The following EXTL3 variants were observed in gnomAD, a reference collection of about 807,000 sequenced individuals.
EXTL3 encodes exostosin like glycosyltransferase 3, also known as exostosin-like 3.
A neutral mutation model predicts 69.3 loss-of-function variants in EXTL3; 27 were observed. The ratio of observed to expected loss-of-function variants is 0.39; its 90% CI spans 0.29 to 0.54. The LOEUF (loss-of-function observed/expected upper bound fraction) is 0.54. Among genes scored for constraint, EXTL3 ranks in the 20% least tolerant of loss-of-function variants. The probability of loss-of-function intolerance (pLI) is 0.69; values close to 1 mark genes in which losing one functional copy is unlikely to be tolerated. For missense variants in EXTL3, 1,003 were observed against 1,231.8 expected (o/e 0.81, Z 2.78); for synonymous variants, 511 against 499.4 (o/e 1.02, Z -0.31).
intron 1 of EXTL3, among the ~76,000 whole-genome samples, chr8:28,634,743 C>A (rs1278254617): frequency 6.6e-6 from 1 of 151,988 alleles, no homozygotes; most frequent in Non-Finnish European, 1.5e-5. Flanking sequence ...TACAGGCGTG[C>A]ACCACCACAC....
At chr8:28,630,589 C>G in intron 1 of EXTL3, among the ~76,000 whole-genome samples, 1 of 152,344 alleles carries the variant, frequency 6.6e-6, no homozygotes, top group Admixed American at 6.5e-5. Context: ...CAGAATGTTA[C>G]GTTTCCTCAT....
At chr8:28,684,619 G>C (rs1370448408) in intron 1 of EXTL3, among the ~76,000 whole-genome samples, 1 of 152,078 alleles carries the variant, frequency 6.6e-6, no homozygotes, top group Admixed American at 6.6e-5. Context: ...GTACATGGCT[G>C]TAGTCCCAGC....
At chr8:28,709,155 A>T (rs1181977731) in intron 1 of EXTL3, among the ~76,000 whole-genome samples, 1 of 152,192 alleles carries the variant, frequency 6.6e-6, no homozygotes, top group Non-Finnish European at 1.5e-5. Context: ...GTTTTACCAC[A>T]TAACATGGGT....
At chr8:28,648,511 C>A (rs1354555005) in intron 1 of EXTL3, among the ~76,000 whole-genome samples, 2 of 152,192 alleles carry the variant, frequency 1.3e-5, no homozygotes, top group South Asian at 4.1e-4. Flanking sequence ...GTAGTCACTA[C>A]TTATCTTTGA....
At chr8:28,706,986 T>TA (rs1395372859) in intron 1 of EXTL3, among the ~76,000 whole-genome samples, 1 of 152,212 alleles carries the variant, frequency 6.6e-6, no homozygotes, top group Non-Finnish European at 1.5e-5. Context: ...CTTTTCTTGT[T>TA]ACGGTTCATT....
intron 1 of EXTL3, among the ~76,000 whole-genome samples, chr8:28,624,781 G>T (rs185524484): frequency 4.5e-4 from 68 of 152,284 alleles, no homozygotes; most frequent in African/African-American, 1.5e-3. Flanking sequence ...TTAAAAACAT[G>T]TTAAATTCAG....
intron 1 of EXTL3, among the ~76,000 whole-genome samples, chr8:28,635,494 G>C (rs1008513989): frequency 4.7e-5 from 7 of 148,238 alleles, no homozygotes; most frequent in African/African-American, 1.8e-4. Context: ...GAGGTCAGGA[G>C]ATCAAGATCA....
intron 1 of EXTL3, among the ~76,000 whole-genome samples, chr8:28,703,141 C>T (rs1259234843): frequency 6.6e-6 from 1 of 152,188 alleles, no homozygotes; most frequent in African/African-American, 2.4e-5. Flanking sequence ...TAAGAACTCA[C>T]GAGCAAGAGA....
At chr8:28,744,868 C>A (rs1801857181) in intron 6 of EXTL3, among the ~76,000 whole-genome samples, 1 of 151,444 alleles carries the variant, frequency 6.6e-6, no homozygotes, top group African/African-American at 2.4e-5. Context: ...CAGGCTGAGG[C>A]AGGAGAATCG....
rs555336443 is a variant in EXTL3 at position 28,623,040 on chromosome 8, C to A, written c.-53+230C>A. The stretch of plus-strand genomic sequence containing the variant: ...GGCGTCTGGGGCGGGCGATTGCAAG[C>A]TCGCGGTCCATGTCCCCTGCCTCGG... On this transcript the variant is annotated intron_variant, in intron 1 of 6. Transcript: ENST00000523149. The surrounding 1 kb of genome is among the most constrained non-coding windows in gnomAD (Gnocchi z 4.2). Among the ~76,000 whole-genome samples the A allele has an allele frequency of 1.3e-5, 2 of 152,070 alleles. No homozygotes were observed. Among genetic ancestry groups the A allele is most frequent in the Admixed American group, 6.5e-5 (1 of 15,280 alleles).
At chr8:28,705,303 A>G (rs1208336173) in intron 1 of EXTL3, among the ~76,000 whole-genome samples, 2 of 152,230 alleles carry the variant, frequency 1.3e-5, no homozygotes, top group Admixed American at 6.5e-5. Flanking sequence ...TTATGAGTCA[A>G]GAACGAGGAA....
At chr8:28,749,900 C>G (rs1321875886) in intron 6 of EXTL3, among the ~76,000 whole-genome samples, 1 of 152,172 alleles carries the variant, frequency 6.6e-6, no homozygotes, top group Admixed American at 6.5e-5. Flanking sequence ...TGCTTTGTTG[C>G]CCAGGCTGGT....
chr8:28,735,204 G>A (rs1377308567), intron 4 of EXTL3, among the ~76,000 whole-genome samples: 1 of 152,142 alleles, frequency 6.6e-6, no homozygotes, highest in African/African-American at 2.4e-5. Flanking sequence ...GGTGGTAGTG[G>A]TGGGGGTGGG....
chr8:28,618,555 C>T (rs542900845), upstream of EXTL3, among the ~76,000 whole-genome samples: 4 of 152,210 alleles, frequency 2.6e-5, no homozygotes, highest in Admixed American at 6.5e-5. Context: ...GCCTCACGTC[C>T]GGCACGAAAG....
At chr8:28,672,227 C>T (rs1345876844) in intron 1 of EXTL3, among the ~76,000 whole-genome samples, 1 of 151,950 alleles carries the variant, frequency 6.6e-6, no homozygotes. Flanking sequence ...ACCATCCTGG[C>T]TAACATGGTG....
chr8:28,750,607 C>A lies in EXTL3; in HGVS notation c.2551-50C>A. 6.9e-7 allele frequency: 1 copy of A among 1,458,806 alleles called. No individual in the cohort carries two copies. The highest frequency in any genetic ancestry group is 9.6e-7 in the Non-Finnish European group (1 of 1,039,718). The allele number at this position is 1,458,806 out of a possible 1,614,324, so 90.4% of individuals were successfully genotyped here. ...TGGGATCGGCTCAGCTGCAAGGGTT[C>A]TGTCAGTATTAGCTGGGATTCCCAC... is the stretch of plus-strand genomic sequence containing the variant. On this transcript the variant is annotated intron_variant, in intron 6 of 6. Coordinates refer to ENST00000220562, the MANE Select transcript of EXTL3 (RefSeq NM_001440.4). This position sits in a 1 kb window ranked among gnomAD's most constrained non-coding sequence, Gnocchi z 5.2.
intron 5 of EXTL3, among the ~76,000 whole-genome samples, chr8:28,739,221 C>T (rs1170294098): frequency 3.9e-5 from 6 of 152,308 alleles, no homozygotes; most frequent in African/African-American, 7.2e-5. Flanking sequence ...GAAAGCTCAC[C>T]GTCTCTCCCT....
intron 1 of EXTL3, among the ~76,000 whole-genome samples, chr8:28,629,226 G>A (rs1389280414): frequency 6.9e-6 from 1 of 145,822 alleles, no homozygotes; most frequent in Non-Finnish European, 1.5e-5. Context: ...TGGGCTGACT[G>A]ACAAAGATGT....
chr8:28,625,400 A>G (rs1273663262), intron 1 of EXTL3, among the ~76,000 whole-genome samples: 1 of 152,198 alleles, frequency 6.6e-6, no homozygotes, highest in Non-Finnish European at 1.5e-5. Context: ...AGAACAATAG[A>G]GAGGAACTCA....
Sources: gnomAD v4.1 joint callset for allele counts (sites outside exome capture counted in the v4.1 genomes callset) on GRCh38, gnomAD v4.1.1 for gene constraint, Gnocchi (gnomAD v3.1) non-coding constraint, MANE v1.5 for transcripts, NCBI Gene and HGNC (gene_info 2026-07-23, HGNC 2026-07-21) for gene names.